Variants in CCDC196 observed in about 807,000 individuals in gnomAD.
CCDC196 encodes coiled-coil domain-containing protein 196.
At chr14:66,487,065 C>T (rs2057419512) in intron 2 of CCDC196, among the ~76,000 whole-genome samples, 3 of 152,040 alleles carry the variant, frequency 2.0e-5, no homozygotes, top group Admixed American at 2.0e-4. Flanking sequence ...GGCTGCCCAC[C>T]CAAGAAATAG....
intron 8 of CCDC196, among the ~76,000 whole-genome samples, chr14:66,497,228 A>C (rs1957885464): frequency 6.6e-6 from 1 of 152,166 alleles, no homozygotes; most frequent in African/African-American, 2.4e-5. Flanking sequence ...TTATGGTATT[A>C]ATAGGTTATA....
chr14:66,496,337 G>C, intron 8 of CCDC196: 1 of 456,250 alleles, frequency 2.2e-6, no homozygotes, highest in Non-Finnish European at 4.4e-6. Flanking sequence ...GGTATGATCT[G>C]TGTAGCTGGC....
intron 4 of CCDC196, 44 bp from the exon 5 acceptor site, chr14:66,490,698 T>C (rs1216025179): frequency 5.0e-6 from 2 of 398,866 alleles, no homozygotes; most frequent in East Asian, 3.6e-5. Flanking sequence ...CTTCCCTCTT[T>C]AATTTCCACT....
At chr14:66,492,704 T>A (rs187704619) in intron 8 of CCDC196, 1 of 152,790 alleles carries the variant, frequency 6.5e-6, no homozygotes, top group East Asian at 1.9e-4. Flanking sequence ...GGAGAACTGT[T>A]TTCCTTTGTA....
chr14:66,497,629 A>G (rs988611030), intron 8 of CCDC196, among the ~76,000 whole-genome samples: 1 of 152,164 alleles, frequency 6.6e-6, no homozygotes, highest in Non-Finnish European at 1.5e-5. Context: ...CTAATTTAGA[A>G]CAGACTCACT....
At chr14:66,497,478 TACCC>T (rs1396747464) in intron 8 of CCDC196, among the ~76,000 whole-genome samples, 1 of 151,860 alleles carries the variant, frequency 6.6e-6, no homozygotes, top group East Asian at 1.9e-4. Flanking sequence ...TAAAAAGGGA[TACCC>T]TATTAAATTT....
At position 66,486,497 on chromosome 14, in the gene CCDC196, T is replaced by C; in HGVS notation, c.-6T>C. On this transcript the variant is annotated 5_prime_UTR_variant, in exon 1 of 10. Coordinates refer to ENST00000636229, the MANE Select transcript of CCDC196 (RefSeq NM_001351576.1). The stretch of plus-strand genomic sequence containing the variant: ...GCCTCTTTATTCTTAGAAGTTACCC[T>C]TCAAGATGACAAGTGGTGCAAACTC... 1 of 411,884 alleles carries C rather than the reference T, an allele frequency of 2.4e-6. No individual in the cohort carries two copies. The highest frequency in any genetic ancestry group is 3.6e-5 in the East Asian group (1 of 28,058). 25.5% of individuals were successfully genotyped at this position (411,884 alleles called of 1,614,324 possible).
intron 4 of CCDC196, among the ~76,000 whole-genome samples, chr14:66,489,504 T>C (rs187847482): frequency 6.6e-6 from 1 of 152,298 alleles, no homozygotes; most frequent in African/African-American, 2.4e-5. Context: ...CCATCTAAAG[T>C]AGGGCATCCT....
intron 6 of CCDC196, among the ~76,000 whole-genome samples, 183 bp from the exon 7 acceptor site, chr14:66,491,443 T>C (rs1594739688): frequency 6.6e-6 from 1 of 152,356 alleles, no homozygotes; most frequent in East Asian, 1.9e-4. Flanking sequence ...AATAACCCTA[T>C]TCATTAGCTT....
Position 66,491,615 on chromosome 14 carries a change from T to C in CCDC196, c.514-11T>C. 1.2e-5 allele frequency: 5 copies of C among 413,984 alleles called. No individual in the cohort carries two copies. The allele number at this position is 413,984 out of a possible 1,614,324, so 25.6% of individuals were successfully genotyped here. The stretch of plus-strand genomic sequence containing the variant: ...TTTACTTTGTCACCCAGAGGCTCTT[T>C]CTTCCACCAGGAAAAGCAACAGAGG... On this transcript the variant is annotated splice_polypyrimidine_tract_variant and intron_variant, in intron 6 of 9. Transcript: ENST00000636229.
intron 8 of CCDC196, among the ~76,000 whole-genome samples, chr14:66,497,245 AT>A (rs1259090007): frequency 6.6e-6 from 1 of 152,198 alleles, no homozygotes; most frequent in African/African-American, 2.4e-5. Flanking sequence ...TATAAAGTTA[AT>A]TTCTAAACTA....
At chr14:66,497,835 A>G (rs1001545652) in intron 8 of CCDC196, among the ~76,000 whole-genome samples, 12 of 152,154 alleles carry the variant, frequency 7.9e-5, no homozygotes, top group Admixed American at 6.5e-4. Flanking sequence ...GGGTATGTAT[A>G]TATACACATA....
intron 4 of CCDC196, among the ~76,000 whole-genome samples, chr14:66,490,486 G>A (rs1209931185): frequency 6.6e-6 from 1 of 152,198 alleles, no homozygotes; most frequent in Non-Finnish European, 1.5e-5. Context: ...AATAAGCAGA[G>A]TAATGCAGTA....
At chr14:66,490,075 C>T (rs1011849470) in intron 4 of CCDC196, among the ~76,000 whole-genome samples, 1 of 152,078 alleles carries the variant, frequency 6.6e-6, no homozygotes, top group Non-Finnish European at 1.5e-5. Context: ...TTGAGATCTG[C>T]TCCAGGTTCT....
rs150666377 is a variant in CCDC196 at position 66,487,301 on chromosome 14, T to G, written c.203+492T>G. Among the ~76,000 whole-genome samples, 567 of 152,254 alleles carry G rather than the reference T, an allele frequency of 3.7e-3. 1 individual carries two copies. Among genetic ancestry groups the G allele is most frequent in the African/African-American group, 0.013 (551 of 41,536 alleles). ...CTCACTGTACTTGGGACCCACAAAC[T>G]CTGTTTCCTTTCTAGTCTCAGAACC... On this transcript the variant is annotated intron_variant, in intron 2 of 9. Transcript: ENST00000636229.
At chr14:66,491,945 G>A (rs1000364766) in intron 7 of CCDC196, 108 bp from the exon 8 acceptor site, 8 of 407,108 alleles carry the variant, frequency 2.0e-5, no homozygotes, top group Non-Finnish European at 2.7e-5. Flanking sequence ...TTTAAAGACT[G>A]AGCATGATGG....
At chr14:66,491,550 G>A in intron 6 of CCDC196, 76 bp from the exon 7 acceptor site, 1 of 412,984 alleles carries the variant, frequency 2.4e-6, no homozygotes. Flanking sequence ...TTGCTATAAG[G>A]CTTTTGCAGC....
At chr14:66,495,025 C>CA (rs879892685) in intron 8 of CCDC196, among the ~76,000 whole-genome samples, 929 of 87,770 alleles carry the variant, frequency 0.011, 7 homozygotes, top group African/African-American at 0.03. Context: ...GACTTCGTAT[C>CA]AAAAAAAAAA....
chr14:66,489,261 G>A (rs1566712090), intron 4 of CCDC196, among the ~76,000 whole-genome samples: 1 of 152,146 alleles, frequency 6.6e-6, no homozygotes, highest in Non-Finnish European at 1.5e-5. Flanking sequence ...GGCATAATCT[G>A]GCTCTTGCCT....
Sources: gnomAD v4.1 joint callset for allele counts (sites outside exome capture counted in the v4.1 genomes callset) on GRCh38, gnomAD v4.1.1 for gene constraint, MANE v1.5 for transcripts, NCBI Gene and HGNC (gene_info 2026-07-23, HGNC 2026-07-21) for gene names.